The following IL1RAPL1 variants were observed in gnomAD, a reference collection of about 807,000 sequenced individuals.
IL1RAPL1 encodes the protein interleukin-1 receptor accessory protein-like 1.
In IL1RAPL1, 3 loss-of-function variants were observed where a neutral mutation model predicts 48.4. That is an observed-to-expected ratio of 0.06 (90% CI 0.03 to 0.16). The LOEUF (loss-of-function observed/expected upper bound fraction) is 0.16. Among genes scored for constraint, IL1RAPL1 ranks in the 10% least tolerant of loss-of-function variants. The pLI, the probability that IL1RAPL1 is intolerant of heterozygous loss-of-function variation, is 1.00. For missense variants in IL1RAPL1, 349 were observed against 530.6 expected (o/e 0.66, Z 3.36); for synonymous variants, 185 against 187.7 (o/e 0.99, Z 0.12).
intron 5 of IL1RAPL1, among the ~76,000 whole-genome samples, chrX:29,646,718 AAAAAG>A: frequency 9.0e-6 from 1 of 111,456 alleles, no homozygotes; most frequent in Non-Finnish European, 1.9e-5. Context: ...CAAGAAAAAA[AAAAAG>A]AAAATAAAGG....
chrX:29,900,830 G>T (rs1412112153), intron 6 of IL1RAPL1, among the ~76,000 whole-genome samples: 2 of 111,953 alleles, frequency 1.8e-5, no homozygotes, highest in Non-Finnish European at 3.8e-5. Flanking sequence ...ACTATGACCT[G>T]TGAGACAAGG....
At chrX:29,022,823 T>G (rs1926401520) in intron 2 of IL1RAPL1, among the ~76,000 whole-genome samples, 1 of 111,850 alleles carries the variant, frequency 8.9e-6, no homozygotes, top group African/African-American at 3.2e-5. Context: ...AGATTAACTT[T>G]AACTCTTTAT....
chrX:28,918,646 A>T (rs972945495), intron 2 of IL1RAPL1, among the ~76,000 whole-genome samples: 4 of 112,113 alleles, frequency 3.6e-5, no homozygotes, highest in African/African-American at 1.3e-4. Context: ...GAAGTGATTA[A>T]TCTTATGGAT....
intron 2 of IL1RAPL1, among the ~76,000 whole-genome samples, chrX:28,832,838 TTTA>T (rs1467442262): frequency 1.8e-4 from 19 of 103,966 alleles, no homozygotes; most frequent in African/African-American, 6.8e-4. Flanking sequence ...TTTTTTTTTT[TTTA>T]GATTCAGGGG....
At position 28,969,468 on chromosome X, in the gene IL1RAPL1, C is replaced by CT. The variant is rs756857321; in HGVS notation, c.82+180056dup. ...AGCCAGCTTCCCATTATATAGAAAGCTTTTTTTTTTTTTCAGTGTAGGCAT... is the reference window on the plus strand; with the variant it reads ...AGCCAGCTTCCCATTATATAGAAAGCTTTTTTTTTTTTTTCAGTGTAGGCAT... On this transcript the variant is annotated intron_variant, in intron 2 of 10. Coordinates refer to ENST00000378993, the MANE Select transcript of IL1RAPL1 (RefSeq NM_014271.4). Among the ~76,000 whole-genome samples, 566 of 98,389 alleles carry CT rather than the reference C, an allele frequency of 5.8e-3. 4 individuals carry two copies. The highest frequency in any genetic ancestry group is 0.011 in the Middle Eastern group (2 of 180). 85.4% of individuals were successfully genotyped at this position (98,389 alleles called of 115,157 possible). A position where few individuals can be genotyped will look rare whatever the true frequency, so the allele number is the denominator to read the frequency against.
intron 5 of IL1RAPL1, among the ~76,000 whole-genome samples, chrX:29,660,469 C>A (rs991314812): frequency 9.8e-5 from 11 of 111,987 alleles, no homozygotes; most frequent in Admixed American, 8.6e-4. Flanking sequence ...TTTATACTTT[C>A]AAGTCTTATA....
intron 3 of IL1RAPL1, among the ~76,000 whole-genome samples, chrX:29,384,737 C>T (rs1385670416): frequency 4.5e-5 from 5 of 112,011 alleles, no homozygotes; most frequent in East Asian, 2.8e-4. Context: ...TTGAGCAATT[C>T]GGTGGATGGT....
intron 2 of IL1RAPL1, among the ~76,000 whole-genome samples, chrX:29,265,699 C>T (rs1931944856): frequency 1.0e-5 from 1 of 97,278 alleles, no homozygotes; most frequent in Non-Finnish European, 2.0e-5. Context: ...TCAATTCCCA[C>T]CTATGAGTGA....
intron 1 of IL1RAPL1, among the ~76,000 whole-genome samples, chrX:28,657,519 GT>G (rs1296518499): frequency 8.9e-6 from 1 of 112,451 alleles, no homozygotes; most frequent in Non-Finnish European, 1.9e-5. Flanking sequence ...CCAAAATGAG[GT>G]TCTAAGGGAA....
chrX:28,605,251 C>T (rs1934070422), intron 1 of IL1RAPL1, among the ~76,000 whole-genome samples: 1 of 112,458 alleles, frequency 8.9e-6, no homozygotes, highest in South Asian at 3.7e-4. Context: ...TATCTAACCA[C>T]TTATTTGACA....
chrX:29,303,064 G>C (rs1932562235), intron 3 of IL1RAPL1, among the ~76,000 whole-genome samples: 1 of 111,921 alleles, frequency 8.9e-6, no homozygotes, highest in Non-Finnish European at 1.9e-5. Context: ...AGGAATCTTA[G>C]TTCTCTAGCA....
chrX:29,478,229 T>TAGAG (rs1450716965), intron 5 of IL1RAPL1, among the ~76,000 whole-genome samples: 1 of 112,098 alleles, frequency 8.9e-6, no homozygotes, highest in Non-Finnish European at 1.9e-5. Context: ...TTTACAGACT[T>TAGAG]CTCTATTTCA....
intron 5 of IL1RAPL1, among the ~76,000 whole-genome samples, chrX:29,422,411 T>A (rs1315509868): frequency 1.8e-5 from 2 of 111,281 alleles, no homozygotes; most frequent in African/African-American, 3.3e-5. Context: ...GGGTATCGGT[T>A]TTTGAACCCC....
intron 6 of IL1RAPL1, among the ~76,000 whole-genome samples, chrX:29,782,956 G>A (rs1323911900): frequency 9.5e-5 from 8 of 83,866 alleles, no homozygotes; most frequent in Non-Finnish European, 1.5e-4. Context: ...CCAGGCTGGA[G>A]TGCAGTGGCG....
intron 8 of IL1RAPL1, 88 bp from the exon 9 acceptor site, chrX:29,941,562 TC>T (rs1933127903): frequency 1.0e-6 from 1 of 972,899 alleles, no homozygotes. Flanking sequence ...TCTGATCTCA[TC>T]CAGGAAAATG....
intron 6 of IL1RAPL1, among the ~76,000 whole-genome samples, chrX:29,766,342 A>AAAAT (rs1200679211): frequency 8.8e-4 from 42 of 47,506 alleles, no homozygotes; most frequent in African/African-American, 3.7e-3. Context: ...AAAAAAAAAA[A>AAAAT]ATATATATAT....
chrX:28,924,815 C>A (rs936976448), intron 2 of IL1RAPL1, among the ~76,000 whole-genome samples: 25 of 112,205 alleles, frequency 2.2e-4, no homozygotes, highest in African/African-American at 8.1e-4. Context: ...TTCATTTATA[C>A]TATTGAAATA....
At chrX:29,235,362 A>C in intron 2 of IL1RAPL1, among the ~76,000 whole-genome samples, 1 of 111,703 alleles carries the variant, frequency 9.0e-6, no homozygotes, top group South Asian at 3.8e-4. Flanking sequence ...TCTTTGAATT[A>C]GCTTCTAGTT....
intron 5 of IL1RAPL1, among the ~76,000 whole-genome samples, chrX:29,640,717 T>C (rs187235166): frequency 8.9e-6 from 1 of 112,448 alleles, no homozygotes; most frequent in East Asian, 2.8e-4. Flanking sequence ...TCTCTACTGC[T>C]GCTGTCTTAA....
Sources: allele counts gnomAD v4.1 joint callset (sites outside exome capture counted in the v4.1 genomes callset), GRCh38; gene constraint gnomAD v4.1.1; transcripts MANE v1.5; gene names NCBI Gene and HGNC (gene_info 2026-07-23, HGNC 2026-07-21).